Variants in CADPS observed in about 807,000 individuals in gnomAD.
CADPS encodes the protein calcium dependent secretion activator.
CADPS carries 57 observed loss-of-function variants against 167.3 expected under a neutral mutation model. The ratio of observed to expected loss-of-function variants is 0.34; its 90% CI spans 0.28 to 0.42. The LOEUF is 0.42. Ranked by LOEUF, CADPS falls within the 20% of genes least tolerant of loss-of-function variation. The pLI, the probability that CADPS is intolerant of heterozygous loss-of-function variation, is 1.00. For missense variants in CADPS, 1,414 were observed against 1,738.1 expected (o/e 0.81, Z 3.32); for synonymous variants, 676 against 635.3 (o/e 1.06, Z -0.96).
chr3:62,570,980 G>A (rs758611163), intron 8 of CADPS, 42 bp from the exon 9 acceptor site: 3 of 1,246,646 alleles, frequency 2.4e-6, no homozygotes, highest in Non-Finnish European at 3.5e-6. Flanking sequence ...TAATGCTTGA[G>A]TGAGTGAATT....
At chr3:62,625,413 ACATG>A (rs1206776568) in intron 6 of CADPS, 5 of 137,316 alleles carry the variant, frequency 3.6e-5, no homozygotes, top group African/African-American at 6.0e-5. Context: ...ACACGCACAC[ACATG>A]CACACACATG....
In CADPS at chr3:62,514,814, G is replaced by A. The variant is rs776579547; in HGVS notation, c.2581+1245C>T. Among the ~76,000 whole-genome samples, 2 of 152,076 alleles carry A rather than the reference G, an allele frequency of 1.3e-5. No individual in the cohort carries two copies. Among genetic ancestry groups the A allele is most frequent in the Admixed American group, 6.6e-5 (1 of 15,246 alleles). The stretch of plus-strand genomic sequence containing the variant: ...TTTACCAAATACAACCAATCATTAC[G>A]TCCTGGGACAGTAAATGCTGGAACA... On this transcript the variant is annotated intron_variant, in intron 16 of 29. Coordinates refer to ENST00000383710, the MANE Select transcript of CADPS (RefSeq NM_003716.4). The surrounding 1 kb of genome is among the most constrained non-coding windows in gnomAD (Gnocchi z 4.2).
At chr3:62,541,745 T>C (rs1195220594) in intron 11 of CADPS, among the ~76,000 whole-genome samples, 1 of 152,184 alleles carries the variant, frequency 6.6e-6, no homozygotes. Context: ...ATCTATGTTG[T>C]TCTTTGATCA....
chr3:62,452,949 T>C (rs886376105), intron 26 of CADPS, among the ~76,000 whole-genome samples: 6 of 151,584 alleles, frequency 4.0e-5, no homozygotes, highest in African/African-American at 1.5e-4. Context: ...CCTCAGTTTC[T>C]ACAAAAACAA....
At chr3:62,403,387 C>G in intron 28 of CADPS, 2 of 426,802 alleles carry the variant, frequency 4.7e-6, no homozygotes, top group Non-Finnish European at 8.4e-6. Context: ...CAATCCAAGA[C>G]AGACAATCTA....
At chr3:62,424,847 G>A (rs538493790) in intron 28 of CADPS, among the ~76,000 whole-genome samples, 10 of 152,274 alleles carry the variant, frequency 6.6e-5, no homozygotes, top group Middle Eastern at 6.8e-3. Flanking sequence ...ATTGGAAACC[G>A]AAAATATACC....
chr3:62,752,506 T>C (rs2152411694), intron 3 of CADPS, among the ~76,000 whole-genome samples: 1 of 152,340 alleles, frequency 6.6e-6, no homozygotes, highest in African/African-American at 2.4e-5. Context: ...AAAATAATTT[T>C]CCATTATCCA....
intron 8 of CADPS, among the ~76,000 whole-genome samples, chr3:62,580,360 C>T (rs987937704): frequency 6.6e-6 from 1 of 152,100 alleles, no homozygotes; most frequent in Non-Finnish European, 1.5e-5. Context: ...ACCACATGTT[C>T]TCACTCATAG....
intron 3 of CADPS, among the ~76,000 whole-genome samples, chr3:62,663,938 G>A (rs988662334): frequency 1.1e-4 from 16 of 152,116 alleles, no homozygotes; most frequent in African/African-American, 3.4e-4. Flanking sequence ...TTTTCCAAAG[G>A]GTGTTCTGTT....
At chr3:62,464,759 G>T (rs1235295278) in intron 26 of CADPS, among the ~76,000 whole-genome samples, 1 of 152,130 alleles carries the variant, frequency 6.6e-6, no homozygotes, top group African/African-American at 2.4e-5. Flanking sequence ...ATGTGAATGA[G>T]TGAAACAGCC....
At chr3:62,642,442 T>A (rs1261821474) in intron 6 of CADPS, among the ~76,000 whole-genome samples, 3 of 152,048 alleles carry the variant, frequency 2.0e-5, no homozygotes, top group Non-Finnish European at 2.9e-5. Flanking sequence ...GTAGCAGAGA[T>A]GACAGTTGGA....
At chr3:62,467,407 T>C (rs2060068254) in intron 24 of CADPS, 2 of 639,808 alleles carry the variant, frequency 3.1e-6, no homozygotes, top group Non-Finnish European at 4.5e-6. Context: ...AAAAATTAAA[T>C]AAAATATTCA....
intron 1 of CADPS, chr3:62,779,324 T>C: frequency 5.0e-6 from 2 of 402,112 alleles, no homozygotes; most frequent in Admixed American, 3.1e-5. Flanking sequence ...GCAGTGGTCA[T>C]CTTTTTTTCT....
At chr3:62,833,066 C>T (rs983123893) in intron 1 of CADPS, among the ~76,000 whole-genome samples, 1 of 152,120 alleles carries the variant, frequency 6.6e-6, no homozygotes, top group African/African-American at 2.4e-5. Flanking sequence ...TTCTTTTTGG[C>T]CCCAGTTCTC....
intron 6 of CADPS, among the ~76,000 whole-genome samples, chr3:62,610,466 G>A (rs1299892271): frequency 2.0e-5 from 3 of 152,120 alleles, no homozygotes; most frequent in Non-Finnish European, 2.9e-5. Flanking sequence ...GGCCAGGCTG[G>A]TGTTGAACTC....
At chr3:62,557,938 C>A (rs368537539) in intron 9 of CADPS, among the ~76,000 whole-genome samples, 1 of 152,318 alleles carries the variant, frequency 6.6e-6, no homozygotes, top group East Asian at 1.9e-4. Flanking sequence ...TGACTGTGGC[C>A]TTGGCTGAGA....
chr3:62,532,562 G>A (rs1266182896), intron 13 of CADPS, among the ~76,000 whole-genome samples: 2 of 152,124 alleles, frequency 1.3e-5, no homozygotes, highest in East Asian at 1.9e-4. Flanking sequence ...CGAGAAAACC[G>A]TGGCACAAAG....
At chr3:62,622,830 C>A (rs1374956242) in intron 6 of CADPS, among the ~76,000 whole-genome samples, 1 of 152,164 alleles carries the variant, frequency 6.6e-6, no homozygotes, top group Non-Finnish European at 1.5e-5. Context: ...CAAAGGCCTG[C>A]GCTAAAATTC....
chr3:62,554,503 G>C (rs1407294122), intron 10 of CADPS, among the ~76,000 whole-genome samples: 1 of 152,148 alleles, frequency 6.6e-6, no homozygotes, highest in Non-Finnish European at 1.5e-5. Context: ...AAAACCAAGA[G>C]AAAGAGGGAG....
Sources: allele counts gnomAD v4.1 joint callset (sites outside exome capture counted in the v4.1 genomes callset), GRCh38; gene constraint gnomAD v4.1.1; non-coding constraint Gnocchi (gnomAD v3.1); transcripts MANE v1.5; gene names NCBI Gene and HGNC (gene_info 2026-07-23, HGNC 2026-07-21).